Variants in CREB3L1 observed in about 807,000 individuals in gnomAD.
CREB3L1 encodes cyclic AMP-responsive element-binding protein 3-like protein 1.
In CREB3L1, 33 loss-of-function variants were observed where a neutral mutation model predicts 54.5. The observed-to-expected ratio is 0.61, with a 90% confidence interval of 0.46 to 0.81. The LOEUF is 0.81. Among genes scored for constraint, CREB3L1 ranks in the 30% least tolerant of loss-of-function variants. The pLI, the probability that CREB3L1 is intolerant of heterozygous loss-of-function variation, is 0.00. For synonymous variants in CREB3L1, 284 were observed against 286.4 expected, an observed-to-expected ratio of 0.99 and a Z score of 0.08; for missense variants, 656 against 673.3, an observed-to-expected ratio of 0.97 and a Z score of 0.29.
intron 1 of CREB3L1, among the ~76,000 whole-genome samples, chr11:46,297,097 C>A (rs1939221423): frequency 6.6e-6 from 1 of 152,200 alleles, no homozygotes; most frequent in African/African-American, 2.4e-5. Flanking sequence ...TGCTCACAGC[C>A]CCCTCCCACT....
At chr11:46,307,100 A>G (rs975949226) in intron 2 of CREB3L1, among the ~76,000 whole-genome samples, 1 of 152,026 alleles carries the variant, frequency 6.6e-6, no homozygotes, top group Non-Finnish European at 1.5e-5. Context: ...GCTGGTCTCA[A>G]TCTCCTGGAC....
rs531376453 is a variant in CREB3L1, at chr11:46,300,667, G to A, written c.331+504G>A. ...GTGGATCACCCGAGGTCAGGAGTTC[G>A]AGACCAGCCTGGCCAACATATGGTG... is the stretch of plus-strand genomic sequence containing the variant. On this transcript the variant is annotated intron_variant, in intron 2 of 11. Coordinates refer to ENST00000621158, the MANE Select transcript of CREB3L1 (RefSeq NM_052854.4). Among the ~76,000 whole-genome samples the A allele has an allele frequency of 1.4e-4, 22 of 152,168 alleles. No homozygotes were observed. In the East Asian group the frequency reaches 4.2e-3, roughly 29 times the overall value.
intron 10 of CREB3L1, among the ~76,000 whole-genome samples, chr11:46,318,444 A>C (rs6485676): frequency 0.21 from 32,534 of 152,152 alleles, 3,737 homozygotes; most frequent in African/African-American, 0.3. Flanking sequence ...CATGTGTCTT[A>C]AGCTTTCATT....
At chr11:46,302,130 T>C (rs1230040368) in intron 2 of CREB3L1, among the ~76,000 whole-genome samples, 2 of 150,590 alleles carry the variant, frequency 1.3e-5, no homozygotes, top group Non-Finnish European at 2.9e-5. Flanking sequence ...ATTGCGTCAC[T>C]GCATTCCAGC....
At chr11:46,285,443 G>C (rs546294905) in intron 1 of CREB3L1, among the ~76,000 whole-genome samples, 25 of 152,244 alleles carry the variant, frequency 1.6e-4, no homozygotes, top group Admixed American at 2.6e-4. Context: ...GGGAATGTGT[G>C]GGGGTGGGAT....
At chr11:46,312,091 C>A (rs1290575722) in intron 5 of CREB3L1, among the ~76,000 whole-genome samples, 1 of 152,098 alleles carries the variant, frequency 6.6e-6, no homozygotes. Flanking sequence ...GGGATGGGAT[C>A]CAGGAAGCCC....
chr11:46,310,623 G>A (rs1183137267), intron 4 of CREB3L1, among the ~76,000 whole-genome samples: 2 of 151,838 alleles, frequency 1.3e-5, no homozygotes, highest in Non-Finnish European at 2.9e-5. Flanking sequence ...TGCTTGCCCA[G>A]CCTGACCCTA....
At chr11:46,285,970 T>G (rs1313723931) in intron 1 of CREB3L1, among the ~76,000 whole-genome samples, 1 of 152,160 alleles carries the variant, frequency 6.6e-6, no homozygotes, top group East Asian at 1.9e-4. Context: ...GCCCATGGGT[T>G]CCCCTCCACC....
In CREB3L1 at chr11:46,320,252, C is replaced by G. The variant is rs974604317; in HGVS notation, c.1259-12C>G. On this transcript the variant is annotated splice_polypyrimidine_tract_variant and intron_variant, in intron 10 of 11. Transcript: ENST00000621158. Reference sequence around the variant, plus strand: ...TCTTGGGCACACCGCTCATCCTACACTCCCTCTCCAGTGCCCTCCCGAAGC... The same window carrying G: ...TCTTGGGCACACCGCTCATCCTACAGTCCCTCTCCAGTGCCCTCCCGAAGC... 6.3e-7 allele frequency: 1 copy of G among 1,584,164 alleles called. No individual in the cohort carries two copies. The highest frequency in any genetic ancestry group is 1.4e-5 in the African/African-American group (1 of 74,054).
chr11:46,286,733 C>G (rs189148112), intron 1 of CREB3L1, among the ~76,000 whole-genome samples: 2 of 151,822 alleles, frequency 1.3e-5, no homozygotes, highest in African/African-American at 4.8e-5. Context: ...TGCAGTGAGC[C>G]GAGATTGAAC....
chr11:46,305,504 G>T (rs979330720), intron 2 of CREB3L1, among the ~76,000 whole-genome samples: 2 of 151,262 alleles, frequency 1.3e-5, no homozygotes, highest in Admixed American at 6.6e-5. Context: ...AACACTTCCT[G>T]CAGTTCTCCC....
intron 2 of CREB3L1, among the ~76,000 whole-genome samples, chr11:46,305,710 G>A (rs1939383680): frequency 6.8e-5 from 8 of 117,998 alleles, no homozygotes; most frequent in Admixed American, 4.1e-4. Context: ...GTGTGTGTGT[G>A]TGTGTGTGTG....
Position 46,320,181 on chromosome 11 carries a change from C to T in CREB3L1, c.1259-83C>T, listed in dbSNP as rs1001496313. The T allele has an allele frequency of 2.3e-5, 33 of 1,407,788 alleles. No homozygotes were observed. In the African/African-American group the frequency reaches 4.0e-4, roughly 17 times the overall value. 87.2% of individuals were successfully genotyped at this position (1,407,788 alleles called of 1,614,324 possible). A position where few individuals can be genotyped will look rare whatever the true frequency, so the allele number is the denominator to read the frequency against. On this transcript the variant is annotated intron_variant, in intron 10 of 11. Coordinates refer to ENST00000621158, the MANE Select transcript of CREB3L1 (RefSeq NM_052854.4). ...AGCTGGGACTCAGATCCAGGGCCTG[C>T]GTCCTTAACCACTAGGCCATGAATG...
chr11:46,308,829 G>A (rs192048724), intron 3 of CREB3L1, among the ~76,000 whole-genome samples: 2 of 152,306 alleles, frequency 1.3e-5, no homozygotes, highest in Non-Finnish European at 1.5e-5. Context: ...AAGGGTCGGC[G>A]GCAAATATGC....
At position 46,278,511 on chromosome 11, in the gene CREB3L1, C is replaced by G. The variant is rs904914165; in HGVS notation, c.102+298C>G. Among the ~76,000 whole-genome samples, 1 of 152,250 alleles carries G rather than the reference C, an allele frequency of 6.6e-6. No individual in the cohort carries two copies. The highest frequency in any genetic ancestry group is 6.5e-5 in the Admixed American group (1 of 15,292). On this transcript the variant is annotated intron_variant, in intron 1 of 11. Coordinates refer to ENST00000621158, the MANE Select transcript of CREB3L1 (RefSeq NM_052854.4). This position sits in a 1 kb window ranked among gnomAD's most constrained non-coding sequence, Gnocchi z 4.2. Reference sequence around the variant, plus strand: ...CCGCCCTCCACCCACGTCTTCTAGCCGTCCCCAACCCACCCCAGGTTCCAG... The same window carrying G: ...CCGCCCTCCACCCACGTCTTCTAGCGGTCCCCAACCCACCCCAGGTTCCAG...
In CREB3L1 at chr11:46,298,570, G is replaced by A. The variant is rs377294373; in HGVS notation, c.103-1365G>A. On this transcript the variant is annotated intron_variant, in intron 1 of 11. Transcript: ENST00000621158. The stretch of plus-strand genomic sequence containing the variant: ...AAAAATTAGCTGGGCGTGGTGGTGC[G>A]CACCTGTAGTCCCGGCTGCTTGGGA... Among the ~76,000 whole-genome samples the A allele has an allele frequency of 2.0e-3, 298 of 152,182 alleles. 1 individual carries two copies. The highest frequency in any genetic ancestry group is 6.6e-3 in the African/African-American group (276 of 41,520).
At position 46,300,161 on chromosome 11, in the gene CREB3L1, A is replaced by C; in HGVS notation, c.329A>C (p.Gln110Pro). ...LVPIKMEDTT[Q>P]DAEHGAWALG... The stretch of plus-strand genomic sequence containing the variant: ...CCCATCAAGATGGAGGACACCACCC[A>C]AGGTAAGAGGTGGAAGAACCTGGGG... The change falls in exon 2 of 12, where the codon CAA becomes CCA. Residue 110 changes from glutamine to proline, a missense_variant and splice_region_variant. Coordinates refer to ENST00000621158, the MANE Select transcript of CREB3L1 (RefSeq NM_052854.4). 6.2e-7 allele frequency: 1 copy of C among 1,609,684 alleles called. No homozygotes were observed. Among genetic ancestry groups the C allele is most frequent in the Non-Finnish European group, 8.5e-7 (1 of 1,177,536 alleles).
In CREB3L1 at chr11:46,300,069, G is replaced by T. The variant is rs760822871; in HGVS notation, c.237G>T (p.Thr79=). 1 of 1,613,782 alleles carries T rather than the reference G, an allele frequency of 6.2e-7. No individual in the cohort carries two copies. Among genetic ancestry groups the T allele is most frequent in the African/African-American group, 1.3e-5 (1 of 74,886 alleles). Reference sequence around the variant, plus strand: ...TGGACATGGAACTGGACTCCCCTACGCCAGGCATCCAGGCGGAGCACAGCT... The same window carrying T: ...TGGACATGGAACTGGACTCCCCTACTCCAGGCATCCAGGCGGAGCACAGCT... ...PLLDMELDSP[T]PGIQAEHSYS... is the part of the protein sequence containing the mutation. The change falls in exon 2 of 12, where the codon ACG becomes ACT. Residue 79 remains threonine (T), a synonymous_variant. Transcript: ENST00000621158.
At position 46,305,666 on chromosome 11, in the gene CREB3L1, A is replaced by G. The variant is rs1282625066; in HGVS notation, c.332-2150A>G. Among the ~76,000 whole-genome samples, 458 of 80,262 alleles carry G rather than the reference A, an allele frequency of 5.7e-3. 3 individuals carry two copies. Among genetic ancestry groups the G allele is most frequent in the African/African-American group, 0.023 (369 of 16,352 alleles). 52.7% of individuals were successfully genotyped at this position (80,262 alleles called of 152,430 possible). A position where few individuals can be genotyped will look rare whatever the true frequency, so the allele number is the denominator to read the frequency against. On this transcript the variant is annotated intron_variant, in intron 2 of 11. Transcript: ENST00000621158. ...TATATATGTGTGTATATATGTGTGTATATATATGTGTGTGTGTGTATATAT... is the reference window on the plus strand; with the variant it reads ...TATATATGTGTGTATATATGTGTGTGTATATATGTGTGTGTGTGTATATAT...
Sources: allele counts gnomAD v4.1 joint callset (sites outside exome capture counted in the v4.1 genomes callset), GRCh38; gene constraint gnomAD v4.1.1; non-coding constraint Gnocchi (gnomAD v3.1); transcripts MANE v1.5; gene names NCBI Gene and HGNC (gene_info 2026-07-23, HGNC 2026-07-21).